DNM1: variants seen among roughly 807,000 people sequenced by gnomAD.
DNM1 encodes dynamin 1.
DNM1 carries 29 observed loss-of-function variants against 104.6 expected under a neutral mutation model. The ratio of observed to expected loss-of-function variants is 0.28; its 90% CI spans 0.21 to 0.38. The LOEUF (loss-of-function observed/expected upper bound fraction) is 0.38, where lower values mean the gene tolerates loss of function less well. Ranked by LOEUF, DNM1 falls within the 10% of genes least tolerant of loss-of-function variation. The pLI is 1.00. For missense variants in DNM1, 640 were observed against 1,189.4 expected (o/e 0.54, Z 6.79); for synonymous variants, 445 against 475.8 (o/e 0.94, Z 0.84).
intron 4 of DNM1, among the ~76,000 whole-genome samples, chr9:128,219,742 C>T (rs892256537): frequency 3.9e-5 from 6 of 152,070 alleles, no homozygotes; most frequent in East Asian, 3.9e-4. Context: ...TTGGGAGGAT[C>T]GCTTGAAGCC....
At chr9:128,227,279 G>T (rs1232470005) in intron 10 of DNM1, among the ~76,000 whole-genome samples, 5 of 151,392 alleles carry the variant, frequency 3.3e-5, no homozygotes, top group Non-Finnish European at 7.4e-5. Context: ...CTCCCAAAGT[G>T]CTAGGATTAC....
Position 128,243,660 on chromosome 9 carries a change from C to A in DNM1, c.1671+1315C>A, listed in dbSNP as rs1836546019. Among the ~76,000 whole-genome samples, 1 of 152,142 alleles carries A rather than the reference C, an allele frequency of 6.6e-6. No homozygotes were observed. Among genetic ancestry groups the A allele is most frequent in the South Asian group, 2.1e-4 (1 of 4,826 alleles). On this transcript the variant is annotated intron_variant, in intron 15 of 21. Coordinates refer to ENST00000372923, the MANE Select transcript of DNM1 (RefSeq NM_004408.4). This position sits in a 1 kb window ranked among gnomAD's most constrained non-coding sequence, Gnocchi z 4.0. The stretch of plus-strand genomic sequence containing the variant: ...TTCCTGCCGGTCTCTCTGCAGGCTC[C>A]CTAGATGCCCCCATGGGTTTGGGGT...
Position 128,218,820 on chromosome 9 carries a change from C to G in DNM1, c.385+89C>G. 1 of 1,451,618 alleles carries G rather than the reference C, an allele frequency of 6.9e-7. No individual in the cohort carries two copies. Among genetic ancestry groups the G allele is most frequent in the Non-Finnish European group, 9.2e-7 (1 of 1,089,844 alleles). The allele number at this position is 1,451,618 out of a possible 1,614,324, so 89.9% of individuals were successfully genotyped here. A position where few individuals can be genotyped will look rare whatever the true frequency, so the allele number is the denominator to read the frequency against. ...CCTCGCTCCTCCTGCAGACTCCGCC[C>G]CTAGAATGACCCTGCCTCTGCATCA... On this transcript the variant is annotated intron_variant, in intron 3 of 21. Coordinates refer to ENST00000372923, the MANE Select transcript of DNM1 (RefSeq NM_004408.4). The surrounding 1 kb of genome is among the most constrained non-coding windows in gnomAD (Gnocchi z 4.8).
chr9:128,212,028 G>C (rs1834332832), intron 1 of DNM1, among the ~76,000 whole-genome samples: 1 of 152,226 alleles, frequency 6.6e-6, no homozygotes, highest in Non-Finnish European at 1.5e-5. Flanking sequence ...ATCTCAGCGG[G>C]TGAATGCACC....
Position 128,248,021 on chromosome 9 carries a change from A to T in DNM1, c.1905+86A>T. On this transcript the variant is annotated intron_variant, in intron 18 of 21. Transcript: ENST00000372923. The surrounding 1 kb of genome is among the most constrained non-coding windows in gnomAD (Gnocchi z 5.6). ...AGGTTTTCAAGCAAGGGACCTGGAGATGTTCTTTTCTAATTTCTGGATTGG... is the reference window on the plus strand; with the variant it reads ...AGGTTTTCAAGCAAGGGACCTGGAGTTGTTCTTTTCTAATTTCTGGATTGG... The T allele has an allele frequency of 6.4e-7, 1 of 1,573,426 alleles. No homozygotes were observed. Among genetic ancestry groups the T allele is most frequent in the Non-Finnish European group, 8.7e-7 (1 of 1,143,462 alleles).
chr9:128,216,092 T>C (rs561840405), intron 1 of DNM1, among the ~76,000 whole-genome samples: 36 of 151,052 alleles, frequency 2.4e-4, no homozygotes, highest in Admixed American at 1.1e-3. Flanking sequence ...CCACGCTGCA[T>C]TGCATTATCT....
rs1588358289 is a variant in DNM1 at position 128,220,644 on chromosome 9, T to C, written c.849+303T>C. On this transcript the variant is annotated intron_variant, in intron 6 of 21. Coordinates refer to ENST00000372923, the MANE Select transcript of DNM1 (RefSeq NM_004408.4). This position sits in a 1 kb window ranked among gnomAD's most constrained non-coding sequence, Gnocchi z 5.2. ...GGGTTTGGGGGCCAGGATTCAAGTATACTCGGCTGAAGACCTTGACAGGGA... is the reference window on the plus strand; with the variant it reads ...GGGTTTGGGGGCCAGGATTCAAGTACACTCGGCTGAAGACCTTGACAGGGA... 1.3e-5 allele frequency among the ~76,000 whole-genome samples: 2 copies of C among 151,666 alleles called. No individual in the cohort carries two copies. Among genetic ancestry groups the C allele is most frequent in the South Asian group, 2.1e-4 (1 of 4,754 alleles).
intron 10 of DNM1, among the ~76,000 whole-genome samples, chr9:128,227,640 T>G (rs1487497333): frequency 6.6e-6 from 1 of 152,046 alleles, no homozygotes; most frequent in Non-Finnish European, 1.5e-5. Flanking sequence ...CCTTGGCCTC[T>G]CAAAGTGCTG....
In DNM1 at chr9:128,253,119, C is replaced by A; in HGVS notation, c.2535-1535C>A. On this transcript the variant is annotated intron_variant, in intron 21 of 21. Coordinates refer to ENST00000372923, the MANE Select transcript of DNM1 (RefSeq NM_004408.4). This position sits in a 1 kb window ranked among gnomAD's most constrained non-coding sequence, Gnocchi z 5.9. Reference sequence around the variant, plus strand: ...CTTTCAGAATCACTATCAGTGACCCCTGAGGAGCGTCAGCCATGGTAGGTA... The same window carrying A: ...CTTTCAGAATCACTATCAGTGACCCATGAGGAGCGTCAGCCATGGTAGGTA... 1 of 1,608,804 alleles carries A rather than the reference C, an allele frequency of 6.2e-7. No individual in the cohort carries two copies. The highest frequency in any genetic ancestry group is 8.5e-7 in the Non-Finnish European group (1 of 1,179,974).
chr9:128,251,077 C>T, intron 21 of DNM1, 137 bp downstream of exon 21: 1 of 685,056 alleles, frequency 1.5e-6, no homozygotes, highest in East Asian at 2.8e-5. Context: ...CTCTGGGTGC[C>T]GGAGCCACGC....
At chr9:128,231,989 G>C (rs1394392678) in intron 10 of DNM1, 2 of 456,608 alleles carry the variant, frequency 4.4e-6, no homozygotes, top group Non-Finnish European at 8.8e-6. Context: ...TGAAAAGCTG[G>C]CGGAACATCC....
Position 128,220,742 on chromosome 9 carries a change from C to CGCGCGT in DNM1, c.849+402_849+403insCGCGTG, listed in dbSNP as rs61020870. On this transcript the variant is annotated intron_variant, in intron 6 of 21. Transcript: ENST00000372923. The surrounding 1 kb of genome is among the most constrained non-coding windows in gnomAD (Gnocchi z 5.2). Reference sequence around the variant, plus strand: ...CAGAACTGAAGTGCGCGCGCGCGCGCGTGTGTGTGTGTGTGTGTGTGTGTG... The same window carrying CGCGCGT: ...CAGAACTGAAGTGCGCGCGCGCGCGCGCGCGTGTGTGTGTGTGTGTGTGTGTGTGTG... Among the ~76,000 whole-genome samples the CGCGCGT allele has an allele frequency of 6.3e-3, 864 of 136,322 alleles. 10 individuals carry two copies. Among genetic ancestry groups the CGCGCGT allele is most frequent in the Non-Finnish European group, 0.01 (636 of 63,262 alleles). 89.4% of individuals were successfully genotyped at this position (136,322 alleles called of 152,430 possible). A position where few individuals can be genotyped will look rare whatever the true frequency, so the allele number is the denominator to read the frequency against.
chr9:128,209,089 A>G (rs536210947), intron 1 of DNM1, among the ~76,000 whole-genome samples: 1 of 152,066 alleles, frequency 6.6e-6, no homozygotes, highest in East Asian at 1.9e-4. Flanking sequence ...CCCCCCACCC[A>G]CCTGGAGAGC....
rs1834934220 is a variant in DNM1, at chr9:128,220,885, T to TTTTCTTTTCTTTC, written c.849+551_849+552insTCTTTCTTTCTTT. On this transcript the variant is annotated intron_variant, in intron 6 of 21. Transcript: ENST00000372923. The surrounding 1 kb of genome is among the most constrained non-coding windows in gnomAD (Gnocchi z 5.2). ...CCTCTATTTCTTTTTTCTTTATTTG[T>TTTTCTTTTCTTTC]TTTCTTTCTTTCTTTCTTTCTTTCT... Among the ~76,000 whole-genome samples, 2 of 117,526 alleles carry TTTTCTTTTCTTTC rather than the reference T, an allele frequency of 1.7e-5. No individual in the cohort carries two copies. Among genetic ancestry groups the TTTTCTTTTCTTTC allele is most frequent in the Admixed American group, 1.8e-4 (2 of 10,942 alleles). The allele number at this position is 117,526 out of a possible 152,430, so 77.1% of individuals were successfully genotyped here. A position where few individuals can be genotyped will look rare whatever the true frequency, so the allele number is the denominator to read the frequency against.
At position 128,243,796 on chromosome 9, in the gene DNM1, CCCTGATCTCATG is replaced by C; in HGVS notation, c.1671+1457_1671+1468del. Among the ~76,000 whole-genome samples the C allele has an allele frequency of 6.6e-6, 1 of 152,284 alleles. No individual in the cohort carries two copies. The highest frequency in any genetic ancestry group is 2.1e-4 in the South Asian group (1 of 4,826). On this transcript the variant is annotated intron_variant, in intron 15 of 21. Transcript: ENST00000372923. The surrounding 1 kb of genome is among the most constrained non-coding windows in gnomAD (Gnocchi z 4.0). ...AGGGGCACGTGCCACTGAGGGGGTCCCCTGATCTCATGCCTGAGCCTGCAGGCCTTTCTGGAG... is the reference window on the plus strand; with the variant it reads ...AGGGGCACGTGCCACTGAGGGGGTCCCCTGAGCCTGCAGGCCTTTCTGGAG...
At chr9:128,246,050 CG>C (rs1400180741) in intron 15 of DNM1, among the ~76,000 whole-genome samples, 3 of 152,184 alleles carry the variant, frequency 2.0e-5, no homozygotes, top group South Asian at 4.1e-4. Context: ...GCGGCCAGGC[CG>C]GGGGTGAGAG....
chr9:128,245,984 C>T lies in DNM1; in HGVS notation c.1672-410C>T, dbSNP rs895094514. Among the ~76,000 whole-genome samples, 1 of 152,222 alleles carries T rather than the reference C, an allele frequency of 6.6e-6. No homozygotes were observed. Among genetic ancestry groups the T allele is most frequent in the Admixed American group, 6.5e-5 (1 of 15,286 alleles). On this transcript the variant is annotated intron_variant, in intron 15 of 21. Coordinates refer to ENST00000372923, the MANE Select transcript of DNM1 (RefSeq NM_004408.4). This position sits in a 1 kb window ranked among gnomAD's most constrained non-coding sequence, Gnocchi z 5.2. ...GTGGGCTGAGCCGGCCCTTTGAAGC[C>T]GCCGGGTCTGGTGGCCCCCCTTCCT...
At chr9:128,227,942 G>A (rs1417707785) in intron 10 of DNM1, among the ~76,000 whole-genome samples, 2 of 151,932 alleles carry the variant, frequency 1.3e-5, no homozygotes, top group Non-Finnish European at 1.5e-5. Flanking sequence ...GGCTCAAACT[G>A]GGCTCAAGCG....
At position 128,248,935 on chromosome 9, in the gene DNM1, G is replaced by A. The variant is rs889556781; in HGVS notation, c.2076+182G>A. Among the ~76,000 whole-genome samples the A allele has an allele frequency of 3.9e-5, 6 of 152,170 alleles. No homozygotes were observed. The highest frequency in any genetic ancestry group is 1.4e-4 in the African/African-American group (6 of 41,440). ...GGGCTGGGCGCGGTGGCTCACACCT[G>A]TAATCCCAGCACTTTGGGAGGCCAA... On this transcript the variant is annotated intron_variant, in intron 19 of 21. Coordinates refer to ENST00000372923, the MANE Select transcript of DNM1 (RefSeq NM_004408.4). The surrounding 1 kb of genome is among the most constrained non-coding windows in gnomAD (Gnocchi z 5.6).
Sources: allele counts gnomAD v4.1 joint callset (sites outside exome capture counted in the v4.1 genomes callset), GRCh38; gene constraint gnomAD v4.1.1; non-coding constraint Gnocchi (gnomAD v3.1); transcripts MANE v1.5; gene names NCBI Gene and HGNC (gene_info 2026-07-23, HGNC 2026-07-21).